BPIFA3: variants seen among roughly 807,000 people sequenced by gnomAD.
The protein encoded by BPIFA3 is BPI fold-containing family A member 3.
In BPIFA3, 32 loss-of-function variants were observed where a neutral mutation model predicts 29.7. That is an observed-to-expected ratio of 1.08 (90% CI 0.81 to 1.45). The LOEUF is 1.45. Ranked by LOEUF, BPIFA3 falls within the 40% of genes most tolerant of loss-of-function variation. The pLI is 0.00. For missense variants in BPIFA3, 323 were observed against 311.3 expected (o/e 1.04, Z -0.28); for synonymous variants, 112 against 113.7 (o/e 0.98, Z 0.10).
chr20:33,218,798 C>CTT (rs879709475), intron 1 of BPIFA3, among the ~76,000 whole-genome samples: 1 of 146,510 alleles, frequency 6.8e-6, no homozygotes, highest in Non-Finnish European at 1.5e-5. Context: ...TATTTTTCTA[C>CTT]TTTTTTTTTT....
intron 1 of BPIFA3, among the ~76,000 whole-genome samples, chr20:33,221,561 G>T (rs1236670074): frequency 1.3e-5 from 2 of 152,214 alleles, no homozygotes; most frequent in Admixed American, 6.5e-5. Flanking sequence ...GGCTAGGAAA[G>T]TTATACTAAC....
At chr20:33,221,331 A>G (rs1039515806) in intron 1 of BPIFA3, among the ~76,000 whole-genome samples, 1 of 151,988 alleles carries the variant, frequency 6.6e-6, no homozygotes, top group African/African-American at 2.4e-5. Context: ...TGATTTATGT[A>G]TTTTTAGTAG....
intron 6 of BPIFA3, 27 bp downstream of exon 6, chr20:33,227,020 A>G (rs746980314): frequency 2.9e-5 from 46 of 1,598,474 alleles, no homozygotes; most frequent in Non-Finnish European, 3.9e-5. Context: ...TCCAGTGAGG[A>G]CTTCTTAGGA....
intron 3 of BPIFA3, among the ~76,000 whole-genome samples, chr20:33,224,849 C>G (rs934307726): frequency 1.3e-5 from 2 of 152,208 alleles, no homozygotes; most frequent in Admixed American, 6.5e-5. Context: ...ATTTTTGAAA[C>G]AGAGATTAAC....
chr20:33,217,469 C>T lies in BPIFA3; in HGVS notation c.-68C>T. ...AAAACCATTAGACCATCCCTCCAGA[C>T]TGCCACCCTCAAAGCCGTCTGCCCA... On this transcript the variant is annotated 5_prime_UTR_variant, in exon 1 of 7. Coordinates refer to ENST00000375454, the MANE Select transcript of BPIFA3 (RefSeq NM_178466.5). The T allele has an allele frequency of 1.3e-6, 2 of 1,571,972 alleles. No individual in the cohort carries two copies. The highest frequency in any genetic ancestry group is 1.7e-6 in the Non-Finnish European group (2 of 1,161,044).
At chr20:33,226,686 G>T (rs976784177) in intron 5 of BPIFA3, among the ~76,000 whole-genome samples, 196 bp downstream of exon 5, 5 of 152,178 alleles carry the variant, frequency 3.3e-5, no homozygotes, top group Non-Finnish European at 7.3e-5. Context: ...GAGCCTCAGT[G>T]TTCCCACCTG....
intron 1 of BPIFA3, among the ~76,000 whole-genome samples, chr20:33,223,150 G>A (rs573486372): frequency 6.2e-4 from 95 of 152,262 alleles, no homozygotes; most frequent in Admixed American, 9.2e-4. Context: ...CTTGGAGGAG[G>A]GGGATGGGGT....
chr20:33,227,288 CA>C (rs1985828404), intron 6 of BPIFA3, among the ~76,000 whole-genome samples: 1 of 152,184 alleles, frequency 6.6e-6, no homozygotes, highest in African/African-American at 2.4e-5. Context: ...ACACTGGCCC[CA>C]TCCCAAACCT....
Position 33,227,004 on chromosome 20 carries a change from G to C in BPIFA3, c.685+11G>C. On this transcript the variant is annotated intron_variant, in intron 6 of 6. Coordinates refer to ENST00000375454, the MANE Select transcript of BPIFA3 (RefSeq NM_178466.5). ...TGAAAAGCCTCATAGGTGAGTGTCTGGTCCATCCAGTGAGGACTTCTTAGG... is the reference window on the plus strand; with the variant it reads ...TGAAAAGCCTCATAGGTGAGTGTCTCGTCCATCCAGTGAGGACTTCTTAGG... 6.2e-7 allele frequency: 1 copy of C among 1,611,398 alleles called. No individual in the cohort carries two copies. The highest frequency in any genetic ancestry group is 1.1e-5 in the South Asian group (1 of 91,034).
In BPIFA3 at chr20:33,225,262, G is replaced by T; in HGVS notation, c.536+15G>T. On this transcript the variant is annotated intron_variant, in intron 4 of 6. Transcript: ENST00000375454. The stretch of plus-strand genomic sequence containing the variant: ...ATCCTCACTGAGTAAGACCCCAGCT[G>T]CCCCTCCCCAGAGCTGGGCCTCCTT... 1 of 1,612,908 alleles carries T rather than the reference G, an allele frequency of 6.2e-7. No homozygotes were observed. Among genetic ancestry groups the T allele is most frequent in the Non-Finnish European group, 8.5e-7 (1 of 1,179,880 alleles).
At chr20:33,225,310 G>A (rs1245300709) in intron 4 of BPIFA3, 63 bp downstream of exon 4, 1 of 1,606,520 alleles carries the variant, frequency 6.2e-7, no homozygotes, top group East Asian at 2.2e-5. Flanking sequence ...CAGCTGCAGG[G>A]TCACTTCCTG....
chr20:33,226,591 T>C (rs951531109), intron 5 of BPIFA3, 101 bp downstream of exon 5: 2 of 841,226 alleles, frequency 2.4e-6, no homozygotes. Context: ...CATTGGATTT[T>C]AGAGCTTGAA....
In BPIFA3 at chr20:33,225,139, G is replaced by A. The variant is rs1287215460; in HGVS notation, c.428G>A (p.Ser143Asn). The A allele has an allele frequency of 3.1e-6, 5 of 1,614,170 alleles. No individual in the cohort carries two copies. In the South Asian group the frequency reaches 3.3e-5, roughly 11 times the overall value. Residue 143 changes from serine to asparagine, a missense_variant, in exon 4 of 7, where the codon AGC (serine) becomes AAC (asparagine). Physicochemically the swap from Ser to Asn is conservative, Grantham distance 46 (BLOSUM62 1). Coordinates refer to ENST00000375454, the MANE Select transcript of BPIFA3 (RefSeq NM_178466.5). ...NNIVKMCAHMSIVVEFWLEKD... is the reference protein window; with the variant it reads ...NNIVKMCAHMNIVVEFWLEKD... ...ATCGTAAAGATGTGTGCACATATGAGCATCGTTGTGGAGTTCTGGCTGGAG... is the reference window on the plus strand; with the variant it reads ...ATCGTAAAGATGTGTGCACATATGAACATCGTTGTGGAGTTCTGGCTGGAG...
At chr20:33,222,561 TG>T (rs1410396114) in intron 1 of BPIFA3, among the ~76,000 whole-genome samples, 37 of 116,232 alleles carry the variant, frequency 3.2e-4, no homozygotes, top group Admixed American at 2.5e-3. Context: ...GACAGATGGA[TG>T]GATGGATGGA....
At position 33,227,801 on chromosome 20, in the gene BPIFA3, G is replaced by A. The variant is rs1425123638; in HGVS notation, c.*184G>A. On this transcript the variant is annotated 3_prime_UTR_variant, in exon 7 of 7. Transcript: ENST00000375454. ...TGGGCCCTGGGGTTTAGGTCTAGAA[G>A]TCAGACCTGATGAAGTATCCTCCTG... 1 of 528,130 alleles carries A rather than the reference G, an allele frequency of 1.9e-6. No homozygotes were observed. Among genetic ancestry groups the A allele is most frequent in the Non-Finnish European group, 3.4e-6 (1 of 296,866 alleles). 32.7% of individuals were successfully genotyped at this position (528,130 alleles called of 1,614,324 possible).
At chr20:33,222,599 GATGGATGA>G (rs1425975450) in intron 1 of BPIFA3, among the ~76,000 whole-genome samples, 7 of 130,672 alleles carry the variant, frequency 5.4e-5, no homozygotes, top group Admixed American at 3.5e-4. Flanking sequence ...TGGATGGATG[GATGGATGA>G]GTGGATGGAT....
intron 1 of BPIFA3, among the ~76,000 whole-genome samples, chr20:33,220,254 C>T (rs1205975957): frequency 4.0e-5 from 6 of 151,670 alleles, no homozygotes; most frequent in Admixed American, 2.0e-4. Context: ...AGAAATTAGC[C>T]GGGCGTGGTG....
intron 1 of BPIFA3, among the ~76,000 whole-genome samples, chr20:33,222,858 C>A (rs1408112645): frequency 2.0e-5 from 3 of 152,176 alleles, no homozygotes; most frequent in Non-Finnish European, 4.4e-5. Context: ...TAATATATTT[C>A]TCTCCTAGTA....
intron 1 of BPIFA3, among the ~76,000 whole-genome samples, chr20:33,219,309 T>C (rs1985407418): frequency 6.6e-6 from 1 of 152,206 alleles, no homozygotes; most frequent in Non-Finnish European, 1.5e-5. Context: ...CATTACTTAA[T>C]TCTTGACATT....
Sources: gnomAD v4.1 joint callset for allele counts (sites outside exome capture counted in the v4.1 genomes callset) on GRCh38, gnomAD v4.1.1 for gene constraint, MANE v1.5 for transcripts, NCBI Gene and HGNC (gene_info 2026-07-23, HGNC 2026-07-21) for gene names.